TXNL4A: variants seen among roughly 807,000 people sequenced by gnomAD.
TXNL4A encodes thioredoxin-like protein 4A.
Under a neutral mutation model 14.6 loss-of-function variants are expected in TXNL4A, and 17 were observed. The observed-to-expected ratio is 1.16, with a 90% CI of 0.80 to 1.74. The LOEUF is 1.74. TXNL4A is among the 40% of genes most tolerant of loss of function. The pLI is 0.00. For missense variants in TXNL4A, 74 were observed against 195.2 expected (o/e 0.38, Z 3.70); for synonymous variants, 83 against 70.6 (o/e 1.18, Z -0.88).
At chr18:80,025,821 G>T (rs1177150753) in intron 1 of TXNL4A, among the ~76,000 whole-genome samples, 1 of 152,198 alleles carries the variant, frequency 6.6e-6, no homozygotes, top group African/African-American at 2.4e-5. Flanking sequence ...CCCTATAACA[G>T]ATTTGACCCC....
At chr18:80,008,950 G>A (rs1309890133) in intron 1 of TXNL4A, among the ~76,000 whole-genome samples, 1 of 151,484 alleles carries the variant, frequency 6.6e-6, no homozygotes, top group African/African-American at 2.4e-5. Flanking sequence ...ACTAATTTTT[G>A]TATTTTCAGT....
upstream of TXNL4A, among the ~76,000 whole-genome samples, chr18:79,991,465 T>C (rs1214346783): frequency 1.3e-5 from 2 of 152,154 alleles, no homozygotes; most frequent in Admixed American, 1.3e-4. Flanking sequence ...TTCTTTTTAA[T>C]TGCTGATGAA....
At chr18:79,996,016 A>C (rs1259531089) in intron 1 of TXNL4A, among the ~76,000 whole-genome samples, 1 of 139,534 alleles carries the variant, frequency 7.2e-6, no homozygotes, top group African/African-American at 2.6e-5. Flanking sequence ...AGGCAGGAGA[A>C]TGGCGTGAAC....
chr18:80,010,815 T>C (rs764213506), intron 1 of TXNL4A, among the ~76,000 whole-genome samples: 57 of 152,198 alleles, frequency 3.7e-4, no homozygotes, highest in Admixed American at 2.0e-3. Flanking sequence ...GGCTGCTTTC[T>C]ATTTTATGTG....
intron 1 of TXNL4A, among the ~76,000 whole-genome samples, chr18:80,026,906 A>G (rs750955543): frequency 6.6e-6 from 1 of 152,240 alleles, no homozygotes; most frequent in South Asian, 2.1e-4. Context: ...ATGTACCACA[A>G]TTTAGTACCA....
intron 1 of TXNL4A, among the ~76,000 whole-genome samples, chr18:80,023,509 C>G (rs911227684): frequency 6.6e-6 from 1 of 151,958 alleles, no homozygotes; most frequent in Admixed American, 6.6e-5. Context: ...CCATAGCATG[C>G]CCCCCACCCC....
chr18:80,020,581 C>G (rs907828175), intron 1 of TXNL4A, among the ~76,000 whole-genome samples: 7 of 152,266 alleles, frequency 4.6e-5, no homozygotes, highest in African/African-American at 1.7e-4. Context: ...CAAGGCTATT[C>G]CCTTTCTTTT....
In TXNL4A at chr18:79,972,684, C is replaced by T. The variant is rs1259879864; in HGVS notation, c.*1001G>A. 3 of 152,136 alleles carry T rather than the reference C, an allele frequency of 2.0e-5. No homozygotes were observed. Among genetic ancestry groups the T allele is most frequent in the African/African-American group, 4.8e-5 (2 of 41,412 alleles). The allele number at this position is 152,136 out of a possible 1,614,324, so 9.4% of individuals were successfully genotyped here. A position where few individuals can be genotyped will look rare whatever the true frequency, so the allele number is the denominator to read the frequency against. On this transcript the variant is annotated 3_prime_UTR_variant, in exon 3 of 3. Transcript: ENST00000269601. Reference sequence around the variant, plus strand: ...TTCACCATGTTGGCCAGGCTGGTCTCGAACACCTGACTTCGTGATCTGCCC... The same window carrying T: ...TTCACCATGTTGGCCAGGCTGGTCTTGAACACCTGACTTCGTGATCTGCCC...
intron 1 of TXNL4A, among the ~76,000 whole-genome samples, chr18:79,980,974 G>A (rs959436556): frequency 1.3e-5 from 2 of 152,228 alleles, no homozygotes; most frequent in Admixed American, 1.3e-4. Flanking sequence ...CAGTGAGAAT[G>A]TGTTGGTCAG....
chr18:79,974,918 A>G (rs1235646627), intron 2 of TXNL4A, among the ~76,000 whole-genome samples: 2 of 152,178 alleles, frequency 1.3e-5, no homozygotes, highest in Admixed American at 1.3e-4. Context: ...CACTTCCACA[A>G]GATCATGCAT....
chr18:79,991,348 C>G (rs950371194), upstream of TXNL4A, among the ~76,000 whole-genome samples: 4 of 152,050 alleles, frequency 2.6e-5, no homozygotes, highest in African/African-American at 9.7e-5. Flanking sequence ...TTTACCTATT[C>G]TAGACATTTC....
upstream of TXNL4A, among the ~76,000 whole-genome samples, chr18:79,992,861 G>T (rs1040562499): frequency 2.3e-5 from 2 of 87,812 alleles, no homozygotes; most frequent in Admixed American, 1.8e-4. Flanking sequence ...TGCCCCATTT[G>T]TCTGTCATCT....
chr18:79,993,432 A>C (rs1411412609), upstream of TXNL4A, among the ~76,000 whole-genome samples: 2 of 152,066 alleles, frequency 1.3e-5, no homozygotes, highest in African/African-American at 4.8e-5. The surrounding 1 kb of genome is among the most constrained non-coding windows in gnomAD (Gnocchi z 4.4). Flanking sequence ...GGCTCCTATC[A>C]CTAGGTAAGG....
chr18:79,978,929 G>C (rs2051420944), intron 1 of TXNL4A, among the ~76,000 whole-genome samples: 1 of 150,856 alleles, frequency 6.6e-6, no homozygotes, highest in African/African-American at 2.4e-5. Flanking sequence ...CTTTAATTTT[G>C]AGCATTCTTT....
At chr18:80,012,108 G>A (rs757849763) in intron 1 of TXNL4A, among the ~76,000 whole-genome samples, 3 of 152,066 alleles carry the variant, frequency 2.0e-5, no homozygotes, top group Non-Finnish European at 2.9e-5. Context: ...TGCTGGACTC[G>A]GGGTACCCAC....
rs865905228 is a variant in TXNL4A at position 80,008,536 on chromosome 18, A to T, written c.-61+25315T>A. Among the ~76,000 whole-genome samples, 7 of 151,804 alleles carry T rather than the reference A, an allele frequency of 4.6e-5. 1 individual carries two copies. In the Middle Eastern group the frequency reaches 0.01, roughly 221 times the overall value. On this transcript the variant is annotated intron_variant, in intron 1 of 2. Coordinates refer to the TXNL4A transcript ENST00000585474. ...TATTTTAATTGGTTGCATTGTTTTT[A>T]TGTTCCCTGTTTTTAATATTCATGA... is the stretch of plus-strand genomic sequence containing the variant.
At chr18:80,027,313 T>TAAAACA (rs1297156448) in intron 1 of TXNL4A, among the ~76,000 whole-genome samples, 5 of 151,940 alleles carry the variant, frequency 3.3e-5, no homozygotes, top group East Asian at 1.9e-4. Context: ...ATATTCCCTG[T>TAAAACA]AAAACAAAAA....
chr18:79,998,007 C>T (rs2051673778), intron 1 of TXNL4A, among the ~76,000 whole-genome samples: 2 of 152,106 alleles, frequency 1.3e-5, no homozygotes, highest in South Asian at 4.2e-4. Flanking sequence ...AAACTGGATA[C>T]CAGTGGACAG....
chr18:80,028,708 G>A (rs1408392940), intron 1 of TXNL4A, among the ~76,000 whole-genome samples: 2 of 152,178 alleles, frequency 1.3e-5, no homozygotes, highest in Non-Finnish European at 2.9e-5. Context: ...GCCCTGACCC[G>A]TGGTTGTCAA....
Sources: allele counts gnomAD v4.1 joint callset (sites outside exome capture counted in the v4.1 genomes callset), GRCh38; gene constraint gnomAD v4.1.1; non-coding constraint Gnocchi (gnomAD v3.1); transcripts MANE v1.5; gene names NCBI Gene and HGNC (gene_info 2026-07-23, HGNC 2026-07-21).